PDE4D: variants seen among roughly 807,000 people sequenced by gnomAD.
The protein encoded by PDE4D is phosphodiesterase 4D, also known as 3',5'-cyclic-AMP phosphodiesterase 4D.
PDE4D carries 24 observed loss-of-function variants against 87.4 expected under a neutral mutation model. The observed-to-expected ratio is 0.27, with a 90% confidence interval of 0.20 to 0.39. PDE4D has a LOEUF of 0.39. Ranked by LOEUF, PDE4D falls within the 10% of genes least tolerant of loss-of-function variation. The pLI is 1.00. For synonymous variants in PDE4D, 384 were observed against 383.2 expected, an observed-to-expected ratio of 1.00 and a Z score of -0.02; for missense variants, 714 against 1,041.0, an observed-to-expected ratio of 0.69 and a Z score of 4.32.
chr5:59,895,561 G>T (rs1234353327), upstream of PDE4D, among the ~76,000 whole-genome samples: 1 of 152,204 alleles, frequency 6.6e-6, no homozygotes, highest in Non-Finnish European at 1.5e-5. Context: ...ACCATGCCTA[G>T]GAGGGCACTA....
chr5:60,001,223 C>A (rs1477371811), intron 2 of PDE4D, among the ~76,000 whole-genome samples: 1 of 152,126 alleles, frequency 6.6e-6, no homozygotes, highest in East Asian at 1.9e-4. Context: ...AACAGGTCTG[C>A]CATTGGTGGA....
intron 1 of PDE4D, among the ~76,000 whole-genome samples, chr5:59,646,054 A>G (rs1742384706): frequency 1.3e-5 from 2 of 152,210 alleles, no homozygotes; most frequent in African/African-American, 4.8e-5. Flanking sequence ...GTATCAAGCA[A>G]TTAATTTTCT....
chr5:59,577,541 C>T (rs1281890051), intron 1 of PDE4D, among the ~76,000 whole-genome samples: 15 of 152,038 alleles, frequency 9.9e-5, no homozygotes, highest in Non-Finnish European at 1.9e-4. Flanking sequence ...TTAAGTCAAC[C>T]TTCTCATTTT....
intron 1 of PDE4D, among the ~76,000 whole-genome samples, chr5:59,614,350 A>C (rs1829388094): frequency 6.6e-6 from 1 of 152,256 alleles, no homozygotes; most frequent in Non-Finnish European, 1.5e-5. Flanking sequence ...GATAATATTC[A>C]AGCTTTGTAT....
At chr5:59,660,043 A>G (rs1490108498) in intron 1 of PDE4D, among the ~76,000 whole-genome samples, 1 of 151,978 alleles carries the variant, frequency 6.6e-6, no homozygotes, top group African/African-American at 2.4e-5. Context: ...AAATTAGTCA[A>G]GTGTGGTGGC....
At chr5:59,788,632 G>A (rs758934489) in intron 1 of PDE4D, among the ~76,000 whole-genome samples, 1 of 152,226 alleles carries the variant, frequency 6.6e-6, no homozygotes, top group Non-Finnish European at 1.5e-5. Context: ...GAGAGCTGCT[G>A]GTTCTGGTGG....
chr5:59,376,246 C>A (rs1002065589), intron 1 of PDE4D, among the ~76,000 whole-genome samples: 3 of 152,144 alleles, frequency 2.0e-5, no homozygotes, highest in Non-Finnish European at 4.4e-5. Flanking sequence ...GTCAAACTAT[C>A]CCAGTTTGCA....
intron 4 of PDE4D, among the ~76,000 whole-genome samples, chr5:59,180,980 G>T (rs1741400867): frequency 1.3e-5 from 2 of 152,156 alleles, no homozygotes; most frequent in Admixed American, 1.3e-4. Context: ...ATTTGAAAAA[G>T]CAGTCAATTT....
chr5:59,069,808 A>G (rs1275796955), intron 5 of PDE4D, among the ~76,000 whole-genome samples: 2 of 152,170 alleles, frequency 1.3e-5, no homozygotes, highest in Non-Finnish European at 2.9e-5. Flanking sequence ...TATATTTGGA[A>G]ATTATTTCCA....
intron 1 of PDE4D, among the ~76,000 whole-genome samples, chr5:59,322,720 A>T (rs984843321): frequency 6.6e-6 from 1 of 152,120 alleles, no homozygotes; most frequent in African/African-American, 2.4e-5. Context: ...CACAAATGAT[A>T]CTGCTTTATA....
intron 1 of PDE4D, among the ~76,000 whole-genome samples, chr5:59,623,556 T>C (rs548649464): frequency 1.3e-5 from 2 of 152,138 alleles, no homozygotes; most frequent in South Asian, 2.1e-4. Flanking sequence ...TCTAAATAAA[T>C]CTATTATCTT....
chr5:59,012,831 C>A (rs538610623), intron 6 of PDE4D, among the ~76,000 whole-genome samples: 1 of 152,162 alleles, frequency 6.6e-6, no homozygotes, highest in Non-Finnish European at 1.5e-5. Flanking sequence ...ACTCTCCACC[C>A]CAAATCAACA....
chr5:59,294,301 C>T (rs569491467), intron 1 of PDE4D, among the ~76,000 whole-genome samples: 16 of 152,118 alleles, frequency 1.1e-4, no homozygotes, highest in Non-Finnish European at 2.2e-4. Context: ...TGTCCATTGC[C>T]CAACTCTAGG....
intron 1 of PDE4D, among the ~76,000 whole-genome samples, chr5:59,477,549 A>G (rs900509249): frequency 5.9e-5 from 9 of 152,074 alleles, no homozygotes; most frequent in African/African-American, 2.2e-4. Flanking sequence ...TTAAAAAACA[A>G]CAGATACTGG....
intron 1 of PDE4D, among the ~76,000 whole-genome samples, chr5:60,312,599 A>G (rs1755147699): frequency 2.0e-5 from 3 of 152,180 alleles, no homozygotes; most frequent in Admixed American, 2.0e-4. Context: ...TTATAAAACC[A>G]TCAGATCTCA....
intron 1 of PDE4D, among the ~76,000 whole-genome samples, chr5:59,742,498 A>G (rs1448796730): frequency 6.6e-6 from 1 of 152,226 alleles, no homozygotes; most frequent in African/African-American, 2.4e-5. Flanking sequence ...AATGTTCAGA[A>G]GGATTATGAG....
chr5:59,155,579 T>C (rs898894674), intron 5 of PDE4D, among the ~76,000 whole-genome samples: 2 of 152,184 alleles, frequency 1.3e-5, no homozygotes, highest in Non-Finnish European at 2.9e-5. Context: ...AAAGGATCAA[T>C]AAAGAGTTGG....
chr5:59,663,307 G>A (rs1745552142), intron 1 of PDE4D, among the ~76,000 whole-genome samples: 1 of 151,898 alleles, frequency 6.6e-6, no homozygotes, highest in African/African-American at 2.4e-5. Context: ...TGGGATTACA[G>A]GTGCCTGCCA....
chr5:59,016,173 T>C (rs1447538300), intron 6 of PDE4D, among the ~76,000 whole-genome samples: 3 of 152,114 alleles, frequency 2.0e-5, no homozygotes, highest in African/African-American at 7.2e-5. Context: ...ATATACCTAA[T>C]GTAAATGACG....
Sources: allele counts gnomAD v4.1 joint callset (sites outside exome capture counted in the v4.1 genomes callset), GRCh38; gene constraint gnomAD v4.1.1; transcripts MANE v1.5; gene names NCBI Gene and HGNC (gene_info 2026-07-23, HGNC 2026-07-21).